Variants in KLF12 observed in about 807,000 individuals in gnomAD.
The protein encoded by KLF12 is Krueppel-like factor 12.
KLF12 carries 9 observed loss-of-function variants against 37.8 expected under a neutral mutation model. The ratio of observed to expected loss-of-function variants is 0.24; its 90% CI spans 0.14 to 0.42. The LOEUF is 0.42. Among genes scored for constraint, KLF12 ranks in the 10% least tolerant of loss-of-function variants. KLF12 has a pLI of 1.00. For synonymous variants in KLF12, 208 were observed against 202.1 expected, an observed-to-expected ratio of 1.03 and a Z score of -0.25; for missense variants, 411 against 516.0, an observed-to-expected ratio of 0.80 and a Z score of 1.97.
chr13:74,079,541 T>C (rs899318326), intron 1 of KLF12, among the ~76,000 whole-genome samples: 3 of 152,322 alleles, frequency 2.0e-5, no homozygotes, highest in South Asian at 2.1e-4. Flanking sequence ...AACTTTCCAT[T>C]GAAAACTACT....
At chr13:73,789,592 T>G (rs920566059) in intron 5 of KLF12, among the ~76,000 whole-genome samples, 1 of 152,102 alleles carries the variant, frequency 6.6e-6, no homozygotes, top group African/African-American at 2.4e-5. Context: ...ATCTTCTGTG[T>G]TCTTCCCAAG....
At chr13:73,929,559 G>A (rs1350282259) in intron 3 of KLF12, among the ~76,000 whole-genome samples, 6 of 152,116 alleles carry the variant, frequency 3.9e-5, no homozygotes, top group Non-Finnish European at 8.8e-5. Flanking sequence ...AATCCCCTCC[G>A]TATAGTTTAA....
intron 1 of KLF12, among the ~76,000 whole-genome samples, chr13:74,092,216 G>A (rs1875709416): frequency 6.6e-6 from 1 of 151,292 alleles, no homozygotes; most frequent in South Asian, 2.1e-4. Context: ...AGAATCACTT[G>A]AACCCGGGAG....
At chr13:73,797,714 G>A (rs1007642148) in intron 5 of KLF12, among the ~76,000 whole-genome samples, 2 of 138,338 alleles carry the variant, frequency 1.4e-5, no homozygotes, top group South Asian at 2.3e-4. Context: ...AGGCTTTAAT[G>A]AGCTATGATC....
chr13:74,116,754 T>C (rs1877326516), intron 1 of KLF12, among the ~76,000 whole-genome samples: 1 of 152,142 alleles, frequency 6.6e-6, no homozygotes, highest in East Asian at 1.9e-4. Flanking sequence ...ATTCAAGGTT[T>C]ACATTATTAA....
chr13:73,909,248 C>T (rs1297290579), intron 3 of KLF12, among the ~76,000 whole-genome samples: 3 of 152,158 alleles, frequency 2.0e-5, no homozygotes, highest in African/African-American at 7.2e-5. Flanking sequence ...TTCCATACTA[C>T]CAGTGGCCGA....
At chr13:74,065,223 C>CAT (rs376829696) in intron 1 of KLF12, among the ~76,000 whole-genome samples, 3,160 of 150,786 alleles carry the variant, frequency 0.021, 146 homozygotes, top group African/African-American at 0.053. Flanking sequence ...CACACACACA[C>CAT]ATGTATATAT....
chr13:73,863,534 T>C (rs1273207921), intron 3 of KLF12, among the ~76,000 whole-genome samples: 3 of 152,148 alleles, frequency 2.0e-5, no homozygotes, highest in Non-Finnish European at 4.4e-5. Context: ...AAATTAGTTG[T>C]GGTTGTTATT....
intron 1 of KLF12, among the ~76,000 whole-genome samples, chr13:74,033,228 T>C (rs1893160701): frequency 6.6e-6 from 1 of 152,146 alleles, no homozygotes; most frequent in African/African-American, 2.4e-5. Flanking sequence ...AAAGTATAAA[T>C]AAGAAAGTTG....
At chr13:74,035,828 T>C (rs929611953) in intron 1 of KLF12, among the ~76,000 whole-genome samples, 2 of 152,220 alleles carry the variant, frequency 1.3e-5, no homozygotes, top group Non-Finnish European at 1.5e-5. Context: ...CTAAGACTGG[T>C]AATTTGAGAG....
intron 1 of KLF12, among the ~76,000 whole-genome samples, chr13:74,075,449 A>G (rs1405691557): frequency 6.6e-6 from 1 of 152,222 alleles, no homozygotes; most frequent in Non-Finnish European, 1.5e-5. Flanking sequence ...CTAACTATTG[A>G]CATGTAGGTC....
chr13:73,867,089 A>G (rs186338347), intron 3 of KLF12, among the ~76,000 whole-genome samples: 15 of 152,268 alleles, frequency 9.9e-5, no homozygotes, highest in Non-Finnish European at 1.8e-4. Context: ...AATAAAAAGC[A>G]TACAGTGTGA....
the KLF12 span, among the ~76,000 whole-genome samples, chr13:74,229,108 T>C: frequency 6.6e-6 from 1 of 152,174 alleles, no homozygotes. Flanking sequence ...CATGCCCTTT[T>C]AGAGTTGTGA....
At chr13:73,719,580 C>A (rs577892682) in intron 6 of KLF12, among the ~76,000 whole-genome samples, 1 of 151,980 alleles carries the variant, frequency 6.6e-6, no homozygotes, top group African/African-American at 2.4e-5. Context: ...CTCAATTCCA[C>A]ACTCCTACGC....
In KLF12 at chr13:73,846,051, A is replaced by C. The variant is rs1345278868; in HGVS notation, c.446T>G (p.Val149Gly). 1.2e-6 allele frequency: 2 copies of C among 1,613,788 alleles called. No individual in the cohort carries two copies. Among genetic ancestry groups the C allele is most frequent in the Non-Finnish European group, 1.7e-6 (2 of 1,179,824 alleles). The change falls in exon 4 of 8, where the codon GTG (valine) becomes GGG (glycine). Residue 149 changes from valine to glycine, a missense_variant. Around this residue, in one of 2 missense-constraint regions of KLF12, gnomAD observed 351 missense variants for 397.8 expected, o/e 0.88. Coordinates refer to ENST00000377669, the MANE Select transcript of KLF12 (RefSeq NM_007249.5). ...GCCTCCAACACCAGATGCAGAGGCC[A>C]CAAGGGGCCCTGGAGTTAATACTGT...
chr13:73,938,237 G>C (rs961700407), intron 3 of KLF12, among the ~76,000 whole-genome samples: 1 of 152,130 alleles, frequency 6.6e-6, no homozygotes, highest in Admixed American at 6.5e-5. Flanking sequence ...TTTACGCACA[G>C]ATGTACACTA....
At chr13:73,842,410 G>C (rs1274313428) in intron 4 of KLF12, among the ~76,000 whole-genome samples, 1 of 152,148 alleles carries the variant, frequency 6.6e-6, no homozygotes, top group East Asian at 1.9e-4. Flanking sequence ...GCTCTCATTA[G>C]ACTGTAAGCA....
At chr13:74,170,157 G>A in the KLF12 span, among the ~76,000 whole-genome samples, 6 of 151,802 alleles carry the variant, frequency 4.0e-5, no homozygotes, top group Admixed American at 6.6e-5. Context: ...GCGTAATTAC[G>A]CCCTATATGA....
intron 2 of KLF12, among the ~76,000 whole-genome samples, chr13:73,991,279 C>T (rs185941121): frequency 9.2e-5 from 14 of 152,252 alleles, no homozygotes; most frequent in African/African-American, 2.4e-4. Context: ...GAATGTAACA[C>T]GAACTAAGAA....
Sources: gnomAD v4.1 joint callset for allele counts (sites outside exome capture counted in the v4.1 genomes callset) on GRCh38, gnomAD v4.1.1 for gene constraint, gnomAD v4.1.1 regional missense constraint, MANE v1.5 for transcripts, NCBI Gene and HGNC (gene_info 2026-07-23, HGNC 2026-07-21) for gene names.